Variants in USP31 observed in about 807,000 individuals in gnomAD.
The protein encoded by USP31 is ubiquitin carboxyl-terminal hydrolase 31.
A neutral mutation model predicts 119.4 loss-of-function variants in USP31; 44 were observed. The observed-to-expected ratio is 0.37, with a 90% CI of 0.29 to 0.47. The LOEUF (loss-of-function observed/expected upper bound fraction) is 0.47. Among genes scored for constraint, USP31 ranks in the 20% least tolerant of loss-of-function variants. The probability of loss-of-function intolerance (pLI) is 0.99; values close to 1 mark genes in which losing one functional copy is unlikely to be tolerated. For synonymous variants in USP31, 749 were observed against 705.6 expected (o/e 1.06, Z -0.97); for missense variants, 1,643 against 1,730.2 (o/e 0.95, Z 0.89).
At chr16:23,081,183 C>T (rs1900806078) in intron 12 of USP31, among the ~76,000 whole-genome samples, 1 of 152,166 alleles carries the variant, frequency 6.6e-6, no homozygotes, top group African/African-American at 2.4e-5. Flanking sequence ...GAGGACACTG[C>T]AGGTTTGCCT....
chr16:23,115,930 A>T, intron 1 of USP31: 1 of 304,852 alleles, frequency 3.3e-6, no homozygotes, highest in Non-Finnish European at 4.8e-6. Context: ...AAAGAGGTCG[A>T]AGCATCCCAG....
rs374487902 is a variant in USP31, at chr16:23,130,254, C to T, written c.633+18384G>A. Among the ~76,000 whole-genome samples, 16 of 152,232 alleles carry T rather than the reference C, an allele frequency of 1.1e-4. No homozygotes were observed. In the East Asian group the frequency reaches 2.3e-3, roughly 22 times the overall value. Reference sequence around the variant, plus strand: ...TTTTGAAAAGGAAAACATGTAATTTCAAGTAAACTTTAATAAGATTCATCT... The same window carrying T: ...TTTTGAAAAGGAAAACATGTAATTTTAAGTAAACTTTAATAAGATTCATCT... On this transcript the variant is annotated intron_variant, in intron 1 of 15. Coordinates refer to ENST00000219689, the MANE Select transcript of USP31 (RefSeq NM_020718.4).
At position 23,095,997 on chromosome 16, in the gene USP31, T is replaced by C. The variant is rs187509130; in HGVS notation, c.1235-5193A>G. On this transcript the variant is annotated intron_variant, in intron 6 of 15. Coordinates refer to ENST00000219689, the MANE Select transcript of USP31 (RefSeq NM_020718.4). Reference sequence around the variant, plus strand: ...ACAGGATCAAATTCACACATAACAATATTAACCTTAAATGTAAATGGGCTA... The same window carrying C: ...ACAGGATCAAATTCACACATAACAACATTAACCTTAAATGTAAATGGGCTA... Among the ~76,000 whole-genome samples, 7 of 152,248 alleles carry C rather than the reference T, an allele frequency of 4.6e-5. No homozygotes were observed. The East Asian group carries it at 1.4e-3, about 29-fold the overall frequency.
intron 12 of USP31, among the ~76,000 whole-genome samples, chr16:23,080,383 C>T (rs1417559912): frequency 6.6e-6 from 1 of 151,964 alleles, no homozygotes; most frequent in East Asian, 1.9e-4. Flanking sequence ...AGTAAGGATC[C>T]ATATAGAGGG....
chr16:23,132,609 T>G (rs1019083300), intron 1 of USP31, among the ~76,000 whole-genome samples: 1 of 152,206 alleles, frequency 6.6e-6, no homozygotes, highest in African/African-American at 2.4e-5. Flanking sequence ...TTATCTTGAT[T>G]TAAGAGATAG....
rs191752028 is a variant in USP31 at position 23,123,486 on chromosome 16, C to T, written c.634-15303G>A. 8.4e-4 allele frequency among the ~76,000 whole-genome samples: 127 copies of T among 151,874 alleles called. 2 individuals are homozygous for T. Among genetic ancestry groups the T allele is most frequent in the African/African-American group, 2.9e-3 (121 of 41,372 alleles). On this transcript the variant is annotated intron_variant, in intron 1 of 15. Transcript: ENST00000219689. The stretch of plus-strand genomic sequence containing the variant: ...CTGGGAGGTGGAGGATGCAGTGAGC[C>T]GAGATCATGCCACTGCACACCAGCC...
chr16:23,100,993 G>A (rs1901828515), intron 6 of USP31, among the ~76,000 whole-genome samples: 1 of 152,150 alleles, frequency 6.6e-6, no homozygotes, highest in South Asian at 2.1e-4. Context: ...AGAAAGGCAA[G>A]GACCAAATCA....
chr16:23,118,861 T>C (rs1902578685), intron 1 of USP31, among the ~76,000 whole-genome samples: 3 of 151,804 alleles, frequency 2.0e-5, no homozygotes, highest in Admixed American at 2.0e-4. Context: ...TAATCCCAGC[T>C]ACTCTACAGG....
At chr16:23,138,492 TA>T (rs1567248850) in intron 1 of USP31, among the ~76,000 whole-genome samples, 1 of 152,032 alleles carries the variant, frequency 6.6e-6, no homozygotes, top group African/African-American at 2.4e-5. Flanking sequence ...CTTTTAAAAA[TA>T]AAAGAAAAAA....
chr16:23,108,350 A>G (rs1002706965), intron 1 of USP31, among the ~76,000 whole-genome samples, 167 bp from the exon 2 acceptor site: 1 of 152,222 alleles, frequency 6.6e-6, no homozygotes. Context: ...CCTCACCCCT[A>G]GAAACATGTA....
chr16:23,114,466 AAAAG>A (rs1478075365), intron 1 of USP31, among the ~76,000 whole-genome samples: 2 of 152,134 alleles, frequency 1.3e-5, no homozygotes, highest in Non-Finnish European at 2.9e-5. Flanking sequence ...AAAAAAAAAA[AAAAG>A]AAAGTTTCAA....
At position 23,079,934 on chromosome 16, in the gene USP31, C is replaced by CA. The variant is rs1477057661; in HGVS notation, c.2176+11dup. The CA allele has an allele frequency of 6.3e-7, 1 of 1,586,526 alleles. No homozygotes were observed. ...TCGCCAGCACAGACACGCAGCCTCT[C>CA]ACACTGCAGACCTGTGTAGTGCCCC... On this transcript the variant is annotated intron_variant, in intron 13 of 15. Coordinates refer to ENST00000219689, the MANE Select transcript of USP31 (RefSeq NM_020718.4).
At chr16:23,141,702 A>G (rs937225099) in intron 1 of USP31, among the ~76,000 whole-genome samples, 1 of 152,130 alleles carries the variant, frequency 6.6e-6, no homozygotes, top group African/African-American at 2.4e-5. Context: ...TTTCATATTT[A>G]CCAGTGTTTA....
intron 5 of USP31, among the ~76,000 whole-genome samples, chr16:23,102,894 T>A (rs539216710): frequency 1.3e-5 from 2 of 152,294 alleles, no homozygotes; most frequent in East Asian, 3.9e-4. Flanking sequence ...TTATTATGTA[T>A]CCATAAAATA....
chr16:23,133,049 T>C (rs1903077409), intron 1 of USP31, among the ~76,000 whole-genome samples: 2 of 152,222 alleles, frequency 1.3e-5, no homozygotes, highest in African/African-American at 2.4e-5. Flanking sequence ...AGCATGTGAC[T>C]GCCCCCCTAC....
At chr16:23,144,757 C>T (rs559659473) in intron 1 of USP31, among the ~76,000 whole-genome samples, 85 of 152,310 alleles carry the variant, frequency 5.6e-4, no homozygotes, top group African/African-American at 1.9e-3. Flanking sequence ...GCCGGGATTA[C>T]AGACATGAGC....
At position 23,102,231 on chromosome 16, in the gene USP31, A is replaced by G. The variant is rs181438736; in HGVS notation, c.1234+88T>C. 3.9e-5 allele frequency: 52 copies of G among 1,319,188 alleles called. No individual in the cohort carries two copies. The Admixed American group carries it at 8.1e-4, about 21-fold the overall frequency. The allele number at this position is 1,319,188 out of a possible 1,614,324, so 81.7% of individuals were successfully genotyped here. A position where few individuals can be genotyped will look rare whatever the true frequency, so the allele number is the denominator to read the frequency against. On this transcript the variant is annotated intron_variant, in intron 6 of 15. Transcript: ENST00000219689. Reference sequence around the variant, plus strand: ...TTTACCACAATTTAAAAAAAAATGTATATCATTATATAATAGACAACTAAA... The same window carrying G: ...TTTACCACAATTTAAAAAAAAATGTGTATCATTATATAATAGACAACTAAA...
chr16:23,073,573 G>A (rs1374164244), intron 14 of USP31, 149 bp downstream of exon 14: 5 of 1,049,938 alleles, frequency 4.8e-6, no homozygotes, highest in Admixed American at 2.9e-5. Context: ...CTTGACTGCA[G>A]TCATTTTAGT....
intron 13 of USP31, 151 bp downstream of exon 13, chr16:23,079,795 G>A (rs890789445): frequency 1.0e-4 from 68 of 671,124 alleles, no homozygotes; most frequent in Middle Eastern, 4.1e-4. Flanking sequence ...ATTTGCTCTT[G>A]GGCAGAGATC....
Sources: gnomAD v4.1 joint callset for allele counts (sites outside exome capture counted in the v4.1 genomes callset) on GRCh38, gnomAD v4.1.1 for gene constraint, MANE v1.5 for transcripts, NCBI Gene and HGNC (gene_info 2026-07-23, HGNC 2026-07-21) for gene names.